The following MARF1 variants were observed in gnomAD, a reference collection of about 807,000 sequenced individuals.
MARF1 encodes the protein limkain-b1.
A neutral mutation model predicts 168.2 loss-of-function variants in MARF1; 24 were observed. The ratio of observed to expected loss-of-function variants is 0.14; its 90% confidence interval spans 0.10 to 0.20. The LOEUF is 0.20. Among genes scored for constraint, MARF1 ranks in the 10% least tolerant of loss-of-function variants. The pLI, the probability that MARF1 is intolerant of heterozygous loss-of-function variation, is 1.00. For synonymous variants in MARF1, 868 were observed against 822.4 expected (o/e 1.06, Z -0.95); for missense variants, 1,744 against 2,143.6 (o/e 0.81, Z 3.68).
intron 22 of MARF1, 80 bp from the exon 23 acceptor site, chr16:15,602,283 G>A (rs950190488): frequency 8.8e-6 from 10 of 1,131,340 alleles, no homozygotes; most frequent in Non-Finnish European, 1.3e-5. Flanking sequence ...CCCACTGAGG[G>A]AAAAGGCCCA....
rs780744416 is a variant in MARF1, at chr16:15,608,360, T to G, written c.4113A>C (p.Thr1371=). ...TGACATCATAGTCTTGGAGACGAAA[T>G]GTATAACCAAAAGTTTTAGCATATT... ...LTEYAKTFGY[T]FRLQDYDVSS... Residue 1371 remains threonine (T), a synonymous_variant, in exon 21 of 27, where the codon ACA becomes ACC. Coordinates refer to ENST00000396368, the MANE Select transcript of MARF1 (RefSeq NM_014647.4). 3 of 1,612,456 alleles carry G rather than the reference T, an allele frequency of 1.9e-6. No individual in the cohort carries two copies. Among genetic ancestry groups the G allele is most frequent in the East Asian group, 4.5e-5 (2 of 44,840 alleles).
intron 1 of MARF1, among the ~76,000 whole-genome samples, chr16:15,640,682 T>C (rs1478579300): frequency 6.6e-6 from 1 of 152,156 alleles, no homozygotes; most frequent in African/African-American, 2.4e-5. Flanking sequence ...GGCGACGGAG[T>C]GAGACCCTGT....
At chr16:15,612,265 A>G (rs920858833) in intron 17 of MARF1, among the ~76,000 whole-genome samples, 1 of 152,208 alleles carries the variant, frequency 6.6e-6, no homozygotes, top group Non-Finnish European at 1.5e-5. Flanking sequence ...CTTCCTTGTA[A>G]TCATGAACAG....
chr16:15,618,361 CTCTCAT>C (rs996816536), intron 13 of MARF1, among the ~76,000 whole-genome samples: 10 of 152,244 alleles, frequency 6.6e-5, no homozygotes, highest in African/African-American at 2.2e-4. Flanking sequence ...CTCCCTTGTA[CTCTCAT>C]TCTCAGTCTC....
intron 12 of MARF1, chr16:15,621,513 C>T: frequency 1.9e-6 from 1 of 533,478 alleles, no homozygotes; most frequent in Non-Finnish European, 3.3e-6. Flanking sequence ...TATTTTACTC[C>T]CAAGTGCCTG....
At chr16:15,598,819 G>A (rs566108863) in intron 26 of MARF1, 35 bp downstream of exon 26, 20 of 1,608,412 alleles carry the variant, frequency 1.2e-5, no homozygotes, top group South Asian at 7.7e-5. Context: ...TTTAAACCCC[G>A]AAGAAAATCC....
chr16:15,622,443 G>C (rs983013397), intron 11 of MARF1, among the ~76,000 whole-genome samples: 3 of 151,470 alleles, frequency 2.0e-5, no homozygotes, highest in African/African-American at 2.4e-5. Flanking sequence ...CCAGGCCAGA[G>C]AGCAGTGGCG....
chr16:15,638,970 A>G (rs537556380), intron 2 of MARF1, 120 bp downstream of exon 2: 154 of 965,634 alleles, frequency 1.6e-4, no homozygotes, highest in Non-Finnish European at 2.2e-4. Flanking sequence ...AATACAGGCA[A>G]GATCTACAGA....
At chr16:15,608,942 T>C (rs1489931251) in intron 20 of MARF1, among the ~76,000 whole-genome samples, 1 of 152,178 alleles carries the variant, frequency 6.6e-6, no homozygotes, top group African/African-American at 2.4e-5. Flanking sequence ...TGAACAAATA[T>C]TCAGTGTAAG....
chr16:15,636,315 C>CA lies in MARF1; in HGVS notation c.171dup (p.Ala58CysfsTer16). On this transcript the variant is annotated frameshift_variant, in exon 3 of 27. Coordinates refer to ENST00000396368, the MANE Select transcript of MARF1 (RefSeq NM_014647.4). LOFTEE classifies it high-confidence loss of function. ...GATGGTACATCCTTTAGTTCCACAG[C>CA]AACTTTCTTGTTCTCCATGTACTCT... 6.4e-7 allele frequency: 1 copy of CA among 1,569,290 alleles called. No individual in the cohort carries two copies. The highest frequency in any genetic ancestry group is 8.6e-7 in the Non-Finnish European group (1 of 1,157,126).
chr16:15,635,317 A>G, intron 3 of MARF1: 1 of 405,028 alleles, frequency 2.5e-6, no homozygotes, highest in East Asian at 4.1e-5. Flanking sequence ...TCTACCTTAC[A>G]TGAATGGGCC....
Position 15,630,414 on chromosome 16 carries a change from G to C in MARF1, c.1442C>G (p.Ala481Gly). The part of the protein sequence containing the change: ...ILVHKNQASE[A>G]LLHHANELIR... The stretch of plus-strand genomic sequence containing the variant: ...CAGCTCGTTAGCATGATGCAGCAGT[G>C]CTTCTGAGGCCTGGTTTTTATGGAC... Residue 481 changes from alanine (A) to glycine (G), a missense_variant, in exon 7 of 27, where the codon GCA becomes GGA. By Grantham distance (60) the Ala-to-Gly change is moderately conservative. Around this residue, in one of 7 missense-constraint regions of MARF1, gnomAD observed 217 missense variants for 372.4 expected, o/e 0.58. Coordinates refer to ENST00000396368, the MANE Select transcript of MARF1 (RefSeq NM_014647.4). 1 of 1,614,068 alleles carries C rather than the reference G, an allele frequency of 6.2e-7. No individual in the cohort carries two copies.
chr16:15,635,567 A>G, intron 3 of MARF1, 89 bp downstream of exon 3: 2 of 1,181,698 alleles, frequency 1.7e-6, no homozygotes, highest in South Asian at 1.4e-5. Flanking sequence ...CTTCAACCCC[A>G]TGTATAATAC....
chr16:15,627,533 A>C lies in MARF1; in HGVS notation c.1525-1733T>G, dbSNP rs1337966248. 2.6e-5 allele frequency among the ~76,000 whole-genome samples: 4 copies of C among 152,266 alleles called. No homozygotes were observed. In the East Asian group the frequency reaches 7.7e-4, roughly 29 times the overall value. ...CTCGGGAGGCTGAGGAAGGAGAATC[A>C]ATTGAACCCGGCAGGTGGAGTCTGC... On this transcript the variant is annotated intron_variant, in intron 7 of 26. Transcript: ENST00000396368.
At chr16:15,604,499 G>T (rs542321365) in intron 21 of MARF1, 101 bp from the exon 22 acceptor site, 8 of 735,992 alleles carry the variant, frequency 1.1e-5, no homozygotes, top group Non-Finnish European at 1.8e-5. Context: ...ACCAACAGAT[G>T]AAAAATCTCT....
At position 15,634,949 on chromosome 16, in the gene MARF1, T is replaced by A. The variant is rs561401964; in HGVS notation, c.832-18A>T. On this transcript the variant is annotated intron_variant, in intron 3 of 26. Coordinates refer to ENST00000396368, the MANE Select transcript of MARF1 (RefSeq NM_014647.4). Reference sequence around the variant, plus strand: ...CTTGCTGGCTGTTTTAAATTTTTTTTAAAAAGGAGGAGGTGTCAGATACAT... The same window carrying A: ...CTTGCTGGCTGTTTTAAATTTTTTTAAAAAAGGAGGAGGTGTCAGATACAT... 487 of 1,608,200 alleles carry A rather than the reference T, an allele frequency of 3.0e-4. 4 individuals carry two copies. In the South Asian group the frequency reaches 4.6e-3, roughly 15 times the overall value.
Position 15,630,488 on chromosome 16 carries a change from T to A in MARF1, c.1368A>T (p.Ala456=). The A allele has an allele frequency of 6.2e-7, 1 of 1,613,234 alleles. No homozygotes were observed. Among genetic ancestry groups the A allele is most frequent in the Non-Finnish European group, 8.5e-7 (1 of 1,179,724 alleles). ...VVLVSTDVNF[A]LELSDLRHRH... is the part of the protein sequence containing the mutation. ...TGTGTCTCAGGTCACTAAGTTCCAA[T>A]GCAAAATTGACATCAGCTGAAAGAA... Residue 456 remains alanine (A), a synonymous_variant, in exon 7 of 27, where the codon GCA becomes GCT. Transcript: ENST00000396368.
intron 11 of MARF1, among the ~76,000 whole-genome samples, chr16:15,622,402 TTC>T (rs1491204184): frequency 6.6e-6 from 1 of 152,084 alleles, no homozygotes; most frequent in Non-Finnish European, 1.5e-5. Context: ...TTTTTTTTTT[TTC>T]TTTCTGAGAT....
At chr16:15,633,483 C>T in intron 5 of MARF1, 134 bp downstream of exon 5, 1 of 645,670 alleles carries the variant, frequency 1.5e-6, no homozygotes, top group Non-Finnish European at 2.6e-6. Flanking sequence ...GGGTTCGAGG[C>T]TGCAGGGAGC....
Sources: gnomAD v4.1 joint callset for allele counts (sites outside exome capture counted in the v4.1 genomes callset) on GRCh38, gnomAD v4.1.1 for gene constraint, gnomAD v4.1.1 regional missense constraint, MANE v1.5 for transcripts, NCBI Gene and HGNC (gene_info 2026-07-23, HGNC 2026-07-21) for gene names.